EVI5: variants seen among roughly 807,000 people sequenced by gnomAD.
EVI5 encodes the protein ecotropic viral integration site 5 protein homolog.
In EVI5, 73 loss-of-function variants were observed where a neutral mutation model predicts 112.0. That is an observed-to-expected ratio of 0.65 (90% CI 0.54 to 0.79). The LOEUF (loss-of-function observed/expected upper bound fraction) is 0.79. Among genes scored for constraint, EVI5 ranks in the 30% least tolerant of loss-of-function variants. The probability of loss-of-function intolerance (pLI) is 0.00; values close to 1 mark genes in which losing one functional copy is unlikely to be tolerated. For synonymous variants in EVI5, 305 were observed against 319.9 expected (o/e 0.95, Z 0.50); for missense variants, 900 against 968.8 (o/e 0.93, Z 0.94).
chr1:92,763,579 C>A (rs1682191973), intron 1 of EVI5, among the ~76,000 whole-genome samples: 1 of 152,036 alleles, frequency 6.6e-6, no homozygotes, highest in South Asian at 2.1e-4. Flanking sequence ...CATGCCACTA[C>A]ACTCTGGCCT....
At chr1:92,565,951 A>AAAAAAAAAAAAAAAAAAAAAG (rs1557801324) in intron 18 of EVI5, among the ~76,000 whole-genome samples, 1 of 144,456 alleles carries the variant, frequency 6.9e-6, no homozygotes, top group African/African-American at 2.7e-5. Context: ...GCCCGAGCAA[A>AAAAAAAAAAAAAAAAAAAAAG]AAAAAAAAAA....
At chr1:92,546,010 G>A (rs772733061) in intron 19 of EVI5, among the ~76,000 whole-genome samples, 23 of 151,938 alleles carry the variant, frequency 1.5e-4, no homozygotes, top group Non-Finnish European at 2.5e-4. Context: ...CCATGGTGCC[G>A]TGTGATTCTA....
intron 19 of EVI5, among the ~76,000 whole-genome samples, chr1:92,535,118 G>C (rs1663636252): frequency 6.6e-6 from 1 of 151,980 alleles, no homozygotes; most frequent in Admixed American, 6.6e-5. Flanking sequence ...CGAAGGATAT[G>C]AACTTCTCAA....
intron 13 of EVI5, among the ~76,000 whole-genome samples, chr1:92,660,618 G>A (rs1275209182): frequency 3.3e-5 from 5 of 151,992 alleles, no homozygotes; most frequent in African/African-American, 1.2e-4. Flanking sequence ...GGCAATCAAT[G>A]TGTTAGCTAA....
chr1:92,678,781 C>T (rs1455756329), intron 9 of EVI5, among the ~76,000 whole-genome samples: 1 of 152,150 alleles, frequency 6.6e-6, no homozygotes, highest in African/African-American at 2.4e-5. Flanking sequence ...AAATAACTTA[C>T]AGCTGCTTTC....
intron 16 of EVI5, among the ~76,000 whole-genome samples, chr1:92,614,175 C>T (rs142648686): frequency 4.6e-5 from 7 of 152,274 alleles, no homozygotes; most frequent in African/African-American, 1.7e-4. Context: ...ACTATATTAA[C>T]TTGAATCTCC....
At chr1:92,718,872 C>T (rs192385225) in intron 2 of EVI5, among the ~76,000 whole-genome samples, 186 of 152,092 alleles carry the variant, frequency 1.2e-3, no homozygotes, top group African/African-American at 4.2e-3. Flanking sequence ...ATATCACCAC[C>T]GATCCCACAG....
At chr1:92,771,726 G>C (rs887552767) in intron 1 of EVI5, among the ~76,000 whole-genome samples, 1 of 149,732 alleles carries the variant, frequency 6.7e-6, no homozygotes, top group Non-Finnish European at 1.5e-5. Context: ...TCCTGCCTCA[G>C]CCTCCCAAGT....
intron 19 of EVI5, among the ~76,000 whole-genome samples, chr1:92,549,980 C>A (rs918263008): frequency 1.2e-4 from 18 of 152,060 alleles, no homozygotes; most frequent in African/African-American, 4.3e-4. Flanking sequence ...ACCATTTGAC[C>A]CAGCCATCCC....
Position 92,512,467 on chromosome 1 carries a change from C to T in EVI5, c.*1189G>A, listed in dbSNP as rs201003378. The T allele has an allele frequency of 1.3e-5, 2 of 152,200 alleles. No individual in the cohort carries two copies. The allele number at this position is 152,200 out of a possible 1,614,324, so 9.4% of individuals were successfully genotyped here. A position where few individuals can be genotyped will look rare whatever the true frequency, so the allele number is the denominator to read the frequency against. Reference sequence around the variant, plus strand: ...TTGAATGCTAAGCAAAATACTAAAGCTCTTAAAACATTAGTGTTTTATTTT... The same window carrying T: ...TTGAATGCTAAGCAAAATACTAAAGTTCTTAAAACATTAGTGTTTTATTTT... On this transcript the variant is annotated 3_prime_UTR_variant, in exon 20 of 20. Transcript: ENST00000684568.
At chr1:92,596,211 A>G (rs1180937063) in intron 18 of EVI5, among the ~76,000 whole-genome samples, 1 of 152,036 alleles carries the variant, frequency 6.6e-6, no homozygotes, top group East Asian at 1.9e-4. Context: ...AAATACAAAA[A>G]TTAGCCGGGC....
At chr1:92,720,754 A>G (rs566885969) in intron 2 of EVI5, among the ~76,000 whole-genome samples, 34 of 152,278 alleles carry the variant, frequency 2.2e-4, no homozygotes, top group African/African-American at 7.9e-4. Flanking sequence ...CAGAATGGGA[A>G]AAAATCTTTG....
upstream of EVI5, among the ~76,000 whole-genome samples, chr1:92,788,092 G>A (rs768837537): frequency 1.3e-5 from 2 of 152,116 alleles, no homozygotes; most frequent in African/African-American, 2.4e-5. Flanking sequence ...TATCTTGATA[G>A]GGATGTGAGT....
At chr1:92,695,840 C>CACTG (rs1221352064) in intron 6 of EVI5, among the ~76,000 whole-genome samples, 2 of 151,962 alleles carry the variant, frequency 1.3e-5, no homozygotes, top group African/African-American at 4.8e-5. Context: ...CACTATCTAC[C>CACTG]ACTGATCACC....
intron 1 of EVI5, among the ~76,000 whole-genome samples, chr1:92,773,510 A>G (rs1302261010): frequency 6.6e-6 from 1 of 152,076 alleles, no homozygotes; most frequent in Non-Finnish European, 1.5e-5. Context: ...GTGCGGTGGC[A>G]CAAACCCTGT....
chr1:92,732,868 C>T (rs956679462), intron 2 of EVI5, among the ~76,000 whole-genome samples: 3 of 133,814 alleles, frequency 2.2e-5, no homozygotes, highest in Non-Finnish European at 4.6e-5. Flanking sequence ...CCACTGCACT[C>T]CAGCCTGGGA....
intron 18 of EVI5, among the ~76,000 whole-genome samples, chr1:92,588,692 G>A (rs761486818): frequency 1.3e-5 from 2 of 152,126 alleles, no homozygotes; most frequent in African/African-American, 4.8e-5. Context: ...ACTAATCCAG[G>A]TAGTGTTTAG....
At chr1:92,540,206 G>A (rs1295747013) in intron 19 of EVI5, among the ~76,000 whole-genome samples, 1 of 152,174 alleles carries the variant, frequency 6.6e-6, no homozygotes, top group East Asian at 1.9e-4. Context: ...ATATACCCAG[G>A]AGTGGAACTG....
chr1:92,550,912 T>C (rs894499920), intron 19 of EVI5, among the ~76,000 whole-genome samples: 16 of 142,560 alleles, frequency 1.1e-4, no homozygotes, highest in Admixed American at 6.4e-4. Context: ...ATATAATTAA[T>C]TTAATTAATA....
Sources: gnomAD v4.1 joint callset for allele counts (sites outside exome capture counted in the v4.1 genomes callset) on GRCh38, gnomAD v4.1.1 for gene constraint, MANE v1.5 for transcripts, NCBI Gene and HGNC (gene_info 2026-07-23, HGNC 2026-07-21) for gene names.